Variants in KAT2B observed in about 807,000 individuals in gnomAD.
KAT2B encodes the protein histone acetyltransferase KAT2B.
In KAT2B, 36 loss-of-function variants were observed where a neutral mutation model predicts 105.9. That is an observed-to-expected ratio of 0.34 (90% CI 0.26 to 0.45). The LOEUF is 0.45. KAT2B is among the 20% of genes least tolerant of loss of function. The pLI, the probability that KAT2B is intolerant of heterozygous loss-of-function variation, is 1.00. For missense variants in KAT2B, 820 were observed against 1,021.6 expected (o/e 0.80, Z 2.69); for synonymous variants, 397 against 377.9 (o/e 1.05, Z -0.59).
intron 1 of KAT2B, among the ~76,000 whole-genome samples, chr3:20,061,356 T>TTTAC (rs1227456785): frequency 6.6e-6 from 1 of 150,718 alleles, no homozygotes; most frequent in Non-Finnish European, 1.5e-5. Context: ...TATACTACGT[T>TTTAC]TTACTTATTT....
chr3:20,101,213 T>C, intron 4 of KAT2B, 74 bp from the exon 5 acceptor site: 3 of 1,217,460 alleles, frequency 2.5e-6, no homozygotes, highest in South Asian at 1.4e-5. Flanking sequence ...CCACCAATCA[T>C]GCTGGCTGTG....
chr3:20,142,499 T>G (rs943868535), intron 13 of KAT2B, among the ~76,000 whole-genome samples: 1 of 152,170 alleles, frequency 6.6e-6, no homozygotes, highest in Non-Finnish European at 1.5e-5. Context: ...AAAGAAACAG[T>G]GAATATTCTG....
At chr3:20,148,084 T>G in intron 15 of KAT2B, 85 bp downstream of exon 15, 1 of 1,419,610 alleles carries the variant, frequency 7.0e-7, no homozygotes. Flanking sequence ...GGCAAACTAA[T>G]TGTAATCACT....
At chr3:20,092,771 G>A (rs955814158) in intron 2 of KAT2B, among the ~76,000 whole-genome samples, 1 of 151,738 alleles carries the variant, frequency 6.6e-6, no homozygotes, top group Non-Finnish European at 1.5e-5. Flanking sequence ...GTGTGATGTC[G>A]GCTCACTGCA....
intron 1 of KAT2B, among the ~76,000 whole-genome samples, chr3:20,061,150 C>T (rs78622065): frequency 6.6e-6 from 1 of 152,168 alleles, no homozygotes; most frequent in Non-Finnish European, 1.5e-5. Flanking sequence ...CTCTTCCTTC[C>T]TCCAACCCCT....
chr3:20,120,973 C>CA (rs1463389917), intron 8 of KAT2B, among the ~76,000 whole-genome samples: 1 of 152,002 alleles, frequency 6.6e-6, no homozygotes, highest in Non-Finnish European at 1.5e-5. Flanking sequence ...GATTCAGCCT[C>CA]AGACTTTTTA....
At chr3:20,043,743 T>A (rs1040117719) in intron 1 of KAT2B, among the ~76,000 whole-genome samples, 6 of 149,384 alleles carry the variant, frequency 4.0e-5, no homozygotes, top group South Asian at 2.2e-4. Flanking sequence ...AAAAAAAAAA[T>A]TTAACTGGAC....
chr3:20,097,787 C>T (rs1463553856), intron 3 of KAT2B, among the ~76,000 whole-genome samples: 3 of 152,076 alleles, frequency 2.0e-5, no homozygotes, highest in Non-Finnish European at 2.9e-5. Context: ...TCTCCCCCCT[C>T]GGCCTTCCAA....
At chr3:20,055,637 G>A (rs1031695306) in intron 1 of KAT2B, among the ~76,000 whole-genome samples, 1 of 152,130 alleles carries the variant, frequency 6.6e-6, no homozygotes, top group African/African-American at 2.4e-5. Flanking sequence ...GGTGGGTGGG[G>A]TGGGGGGTAT....
At chr3:20,115,684 C>T (rs541551604) in intron 7 of KAT2B, among the ~76,000 whole-genome samples, 1 of 152,250 alleles carries the variant, frequency 6.6e-6, no homozygotes, top group South Asian at 2.1e-4. Context: ...TTTTGACAAA[C>T]ACATATACTT....
At position 20,057,349 on chromosome 3, in the gene KAT2B, G is replaced by C. The variant is rs148310305; in HGVS notation, c.304-14984G>C. On this transcript the variant is annotated intron_variant, in intron 1 of 17. Transcript: ENST00000263754. Reference sequence around the variant, plus strand: ...CTGCTTTACAGGTTGGGCTGGTTATGTGGATGTGAGAGTCATCATCTCAGA... The same window carrying C: ...CTGCTTTACAGGTTGGGCTGGTTATCTGGATGTGAGAGTCATCATCTCAGA... 1.8e-3 allele frequency among the ~76,000 whole-genome samples: 277 copies of C among 152,320 alleles called. 3 individuals carry two copies. Among genetic ancestry groups the C allele is most frequent in the African/African-American group, 5.9e-3 (247 of 41,572 alleles).
At chr3:20,137,440 G>T (rs1699621028) in intron 12 of KAT2B, 1 of 163,114 alleles carries the variant, frequency 6.1e-6, no homozygotes, top group African/African-American at 2.4e-5. Context: ...AAATCCTGGA[G>T]TTTATAAAAA....
At chr3:20,066,703 G>T (rs1279308212) in intron 1 of KAT2B, among the ~76,000 whole-genome samples, 1 of 151,176 alleles carries the variant, frequency 6.6e-6, no homozygotes, top group Non-Finnish European at 1.5e-5. Context: ...ACCTGGCTGG[G>T]ACATGAACTT....
chr3:20,111,676 T>G lies in KAT2B; in HGVS notation c.932T>G (p.Leu311Trp). ...YETTQVFGRTLLRSVFTVMRR... is the reference protein window; with the variant it reads ...YETTQVFGRTWLRSVFTVMRR... ...ACCACACAGGTGTTTGGGAGAACAT[T>G]GCTTCGCTCGGTCTTCACTGTTATG... The change falls in exon 6 of 18, where the codon TTG (leucine) becomes TGG (tryptophan). Residue 311 changes from leucine (L) to tryptophan (W), a missense_variant. Leu to Trp is a moderately conservative substitution (Grantham distance 61). Coordinates refer to ENST00000263754, the MANE Select transcript of KAT2B (RefSeq NM_003884.5). 6.2e-7 allele frequency: 1 copy of G among 1,614,092 alleles called. No homozygotes were observed. The highest frequency in any genetic ancestry group is 8.5e-7 in the Non-Finnish European group (1 of 1,179,958).
intron 1 of KAT2B, among the ~76,000 whole-genome samples, chr3:20,054,581 C>T (rs765251940): frequency 6.6e-6 from 1 of 152,206 alleles, no homozygotes; most frequent in Non-Finnish European, 1.5e-5. Flanking sequence ...CCATCCTAAT[C>T]AGTCCCCATG....
chr3:20,148,119 G>A, intron 15 of KAT2B, 120 bp downstream of exon 15: 1 of 1,377,604 alleles, frequency 7.3e-7, no homozygotes, highest in East Asian at 2.3e-5. Context: ...TGGGTTTTGA[G>A]TTTCCTAAAA....
At chr3:20,149,462 CTTCAGCCTGGGCACTGGAGGGA>C (rs1209105010) in intron 17 of KAT2B, among the ~76,000 whole-genome samples, 34 of 116,810 alleles carry the variant, frequency 2.9e-4, no homozygotes, top group Middle Eastern at 4.7e-3. Context: ...CACCACTGCA[CTTCAGCCTGGGCACTGGAGGGA>C]GACCGTATCT....
At chr3:20,131,699 T>A (rs1000868178) in intron 11 of KAT2B, among the ~76,000 whole-genome samples, 1 of 152,062 alleles carries the variant, frequency 6.6e-6, no homozygotes, top group African/African-American at 2.4e-5. Flanking sequence ...TTCTGAGTAG[T>A]TGGGATCACA....
chr3:20,093,270 C>T (rs547294534), intron 2 of KAT2B, among the ~76,000 whole-genome samples: 1 of 152,268 alleles, frequency 6.6e-6, no homozygotes, highest in East Asian at 1.9e-4. Flanking sequence ...TCACTGTGGG[C>T]AATTGGTACT....
Sources: allele counts gnomAD v4.1 joint callset (sites outside exome capture counted in the v4.1 genomes callset), GRCh38; gene constraint gnomAD v4.1.1; transcripts MANE v1.5; gene names NCBI Gene and HGNC (gene_info 2026-07-23, HGNC 2026-07-21).